The following FASTK variants were observed in gnomAD, a reference collection of about 807,000 sequenced individuals.
The protein encoded by FASTK is Fas activated serine/threonine kinase, also known as fas-activated serine/threonine kinase.
A neutral mutation model predicts 60.0 loss-of-function variants in FASTK; 28 were observed. That is an observed-to-expected ratio of 0.47 (90% CI 0.35 to 0.64). The LOEUF is 0.64. Among genes scored for constraint, FASTK ranks in the 30% least tolerant of loss-of-function variants. FASTK has a pLI of 0.01. For synonymous variants in FASTK, 325 were observed against 307.9 expected (o/e 1.06, Z -0.58); for missense variants, 595 against 713.8 (o/e 0.83, Z 1.90).
chr7:151,077,258 G>A (rs747155740), intron 7 of FASTK, 22 bp from the exon 8 acceptor site: 17 of 1,611,872 alleles, frequency 1.1e-5, no homozygotes, highest in African/African-American at 4.0e-5. Flanking sequence ...CAGGGCCGGC[G>A]GCCTTAGCCA....
chr7:151,078,980 C>A lies in FASTK; in HGVS notation c.547G>T (p.Glu183Ter). ...DGPLVCALEQ[E>*]RRLRLPPKPP... is the part of the protein sequence containing the mutation. ...TTCGGAGGGAGGCGGAGCCTTCGCT[C>A]CTGTTCCAGGGCACACACCAGGGGA... is the stretch of plus-strand genomic sequence containing the variant. The change falls in exon 3 of 10, where the codon GAG becomes TAG. Residue 183 changes from glutamate (E) to a stop codon, truncating the protein, a stop_gained. Transcript: ENST00000297532. LOFTEE classifies it high-confidence loss of function. 6.5e-7 allele frequency: 1 copy of A among 1,538,050 alleles called. No individual in the cohort carries two copies.
At position 151,077,345 on chromosome 7, in the gene FASTK, C is replaced by A. The variant is rs751845696; in HGVS notation, c.1256G>T (p.Arg419Leu). The A allele has an allele frequency of 6.2e-7, 1 of 1,613,004 alleles. No individual in the cohort carries two copies. Among genetic ancestry groups the A allele is most frequent in the East Asian group, 2.2e-5 (1 of 44,888 alleles). Residue 419 changes from arginine to leucine, a missense_variant, in exon 7 of 10, where the codon CGC (arginine) becomes CTC (leucine). This residue lies in a region of FASTK where 471 missense variants were observed against 605.9 expected (regional missense o/e 0.78). Coordinates refer to ENST00000297532, the MANE Select transcript of FASTK (RefSeq NM_006712.5). ...GCCTGGAGGCACAGTCAGGTCCTGG[C>A]GGTATTTCTCCTCCCCCAGCAGCTG... ...LRQLLGEEKYRQDLTVPPGYC... is the reference protein window; with the variant it reads ...LRQLLGEEKYLQDLTVPPGYC...
In FASTK at chr7:151,077,033, G is replaced by A. The variant is rs201972478; in HGVS notation, c.1428-6C>T. On this transcript the variant is annotated splice_polypyrimidine_tract_variant and splice_region_variant and intron_variant, in intron 8 of 9. Coordinates refer to ENST00000297532, the MANE Select transcript of FASTK (RefSeq NM_006712.5). ...CCCGCAACACCAGCACCACCCTGCA[G>A]GGGGAGGGACGTGGCTCAGGGCATG... The A allele has an allele frequency of 1.9e-6, 3 of 1,612,444 alleles. No homozygotes were observed. The highest frequency in any genetic ancestry group is 3.3e-5 in the Admixed American group (2 of 59,990).
intron 6 of FASTK, 69 bp from the exon 7 acceptor site, chr7:151,077,470 C>A: frequency 6.4e-7 from 1 of 1,559,080 alleles, no homozygotes; most frequent in South Asian, 1.1e-5. Context: ...AGTCTAGTGC[C>A]ACCACCCTGG....
At chr7:151,080,528 G>A in intron 1 of FASTK, 157 bp downstream of exon 1, 2 of 1,289,822 alleles carry the variant, frequency 1.6e-6, no homozygotes, top group Non-Finnish European at 2.0e-6. Context: ...GGGCGCGCGT[G>A]GAGCCCGAGT....
intron 4 of FASTK, 32 bp downstream of exon 4, chr7:151,078,528 CAG>C (rs1273283097): frequency 4.4e-6 from 7 of 1,606,762 alleles, no homozygotes; most frequent in Non-Finnish European, 6.0e-6. Context: ...CTGAGAATGA[CAG>C]AGATGCACTG....
chr7:151,080,335 G>A (rs1797919732), intron 1 of FASTK: 4 of 580,560 alleles, frequency 6.9e-6, no homozygotes, highest in African/African-American at 1.9e-5. Flanking sequence ...GCACTCTCCC[G>A]ACCACCTCCC....
chr7:151,080,531 G>A, intron 1 of FASTK, 154 bp downstream of exon 1: 1 of 1,294,294 alleles, frequency 7.7e-7, no homozygotes, highest in Non-Finnish European at 9.8e-7. Flanking sequence ...CGCGCGTGGA[G>A]CCCGAGTGCA....
chr7:151,078,629 C>T lies in FASTK; in HGVS notation c.758G>A (p.Arg253Gln). 2.5e-6 allele frequency: 4 copies of T among 1,613,484 alleles called. No individual in the cohort carries two copies. The highest frequency in any genetic ancestry group is 3.4e-6 in the Non-Finnish European group (4 of 1,179,992). The stretch of plus-strand genomic sequence containing the variant: ...AATGGCTTCCAGAAGCTGGGGCTCC[C>T]GCAACCGGTGCCGGGCCAGGTGCTG... ...LAQHLARHRL[R>Q]EPQLLEAIAH... Residue 253 changes from arginine to glutamine, a missense_variant, in exon 4 of 10, where the codon CGG becomes CAG. This residue lies in a region of FASTK where 471 missense variants were observed against 605.9 expected (regional missense o/e 0.78). Transcript: ENST00000297532.
Position 151,080,357 on chromosome 7 carries a change from A to AGGC in FASTK, c.82+325_82+327dup, listed in dbSNP as rs573637848. The AGGC allele has an allele frequency of 4.1e-5, 30 of 729,934 alleles. 1 individual carries two copies. In the South Asian group the frequency reaches 6.6e-4, roughly 16 times the overall value. The allele number at this position is 729,934 out of a possible 1,614,324, so 45.2% of individuals were successfully genotyped here. ...CCCGACCACCTCCCTCTCCCACAGG[A>AGGC]GGCGGCGGCGGCACAGAGGGTGGAA... is the stretch of plus-strand genomic sequence containing the variant. On this transcript the variant is annotated intron_variant, in intron 1 of 9. Coordinates refer to ENST00000297532, the MANE Select transcript of FASTK (RefSeq NM_006712.5).
At chr7:151,077,551 G>A (rs1797733725) in intron 6 of FASTK, 70 bp downstream of exon 6, 17 of 1,516,648 alleles carry the variant, frequency 1.1e-5, no homozygotes, top group Non-Finnish European at 1.5e-5. Flanking sequence ...GCGCTTCATG[G>A]TCCCTCTGGC....
rs759082855 is a variant in FASTK at position 151,077,080 on chromosome 7, C to G, written c.1427+21G>C. ...CATGGCGGGCAAGGTGGCCAGGGCT[C>G]CCCCACCCTGCCTCCTTTACCTCTG... On this transcript the variant is annotated intron_variant, in intron 8 of 9. Coordinates refer to ENST00000297532, the MANE Select transcript of FASTK (RefSeq NM_006712.5). 3.7e-6 allele frequency: 6 copies of G among 1,607,056 alleles called. No individual in the cohort carries two copies. In the Admixed American group the frequency reaches 1.0e-4, roughly 27 times the overall value.
At chr7:151,077,433 G>C in intron 6 of FASTK, 32 bp from the exon 7 acceptor site, 1 of 1,600,150 alleles carries the variant, frequency 6.2e-7, no homozygotes, top group Non-Finnish European at 8.5e-7. Flanking sequence ...AGCAGGAAGG[G>C]CCCGGCACCT....
In FASTK at chr7:151,080,671, G is replaced by T; in HGVS notation, c.82+14C>A. ...CTGCCCTCCCGCAGCCCTCCCCGCAGGCGCCACCCCTACATGACTCCCCGG... is the reference window on the plus strand; with the variant it reads ...CTGCCCTCCCGCAGCCCTCCCCGCATGCGCCACCCCTACATGACTCCCCGG... On this transcript the variant is annotated intron_variant, in intron 1 of 9. Coordinates refer to ENST00000297532, the MANE Select transcript of FASTK (RefSeq NM_006712.5). 1 of 1,438,568 alleles carries T rather than the reference G, an allele frequency of 7.0e-7. No homozygotes were observed. Among genetic ancestry groups the T allele is most frequent in the Non-Finnish European group, 9.1e-7 (1 of 1,100,974 alleles). 89.1% of individuals were successfully genotyped at this position (1,438,568 alleles called of 1,614,324 possible).
chr7:151,078,309 G>C (rs1011926066), intron 4 of FASTK, among the ~76,000 whole-genome samples: 1 of 152,214 alleles, frequency 6.6e-6, no homozygotes, highest in Non-Finnish European at 1.5e-5. Flanking sequence ...GTCTGGCCCT[G>C]AAGACTTCGA....
chr7:151,079,393 T>C (rs1266492074), intron 2 of FASTK, 107 bp downstream of exon 2: 2 of 1,156,630 alleles, frequency 1.7e-6, no homozygotes, highest in Non-Finnish European at 1.2e-6. Flanking sequence ...CAAGCGTTCC[T>C]GGGCAAACGC....
intron 1 of FASTK, chr7:151,080,288 G>A (rs1462597490): frequency 2.7e-6 from 1 of 369,106 alleles, no homozygotes; most frequent in African/African-American, 2.1e-5. Flanking sequence ...CCGGGTTAGT[G>A]GTCGCGCCCA....
chr7:151,079,878 G>A lies in FASTK; in HGVS notation c.127C>T (p.Gln43Ter). The part of the protein sequence containing the change: ...NSMLRVLLSA[Q>*]TSPARLSGLL... ...CCAGACAGCCGAGCAGGGGAGGTCT[G>A]AGCAGAGAGCAGGACTCGAAGCATG... The change falls in exon 2 of 10, where the codon CAG (glutamine) becomes TAG (stop). Residue 43 changes from glutamine to a stop codon, truncating the protein, a stop_gained. Transcript: ENST00000297532. LOFTEE classifies it high-confidence loss of function. The A allele has an allele frequency of 6.2e-7, 1 of 1,602,570 alleles. No homozygotes were observed. The highest frequency in any genetic ancestry group is 1.1e-5 in the South Asian group (1 of 89,498).
chr7:151,077,453 C>G (rs1477718144), intron 6 of FASTK, 52 bp from the exon 7 acceptor site: 1 of 1,580,138 alleles, frequency 6.3e-7, no homozygotes, highest in Admixed American at 1.7e-5. Context: ...TCATCCTAAT[C>G]TGTCCCAGTC....
Sources: allele counts gnomAD v4.1 joint callset (sites outside exome capture counted in the v4.1 genomes callset), GRCh38; gene constraint gnomAD v4.1.1; regional missense constraint gnomAD v4.1.1; transcripts MANE v1.5; gene names NCBI Gene and HGNC (gene_info 2026-07-23, HGNC 2026-07-21).